DPYSL5: variants seen among roughly 807,000 people sequenced by gnomAD.
DPYSL5 encodes the protein dihydropyrimidinase like 5.
In DPYSL5, 9 loss-of-function variants were observed where a neutral mutation model predicts 58.4. The observed-to-expected ratio is 0.15, with a 90% CI of 0.09 to 0.27. DPYSL5 has a LOEUF of 0.27. Ranked by LOEUF, DPYSL5 falls within the 10% of genes least tolerant of loss-of-function variation. The pLI, the probability that DPYSL5 is intolerant of heterozygous loss-of-function variation, is 1.00. For synonymous variants in DPYSL5, 293 were observed against 301.9 expected (o/e 0.97, Z 0.31); for missense variants, 499 against 770.6 (o/e 0.65, Z 4.17).
chr2:26,870,236 G>T (rs1179729281), intron 1 of DPYSL5, among the ~76,000 whole-genome samples: 1 of 152,142 alleles, frequency 6.6e-6, no homozygotes, highest in Non-Finnish European at 1.5e-5. Context: ...TTACACTTGA[G>T]TCGTTTTGTC....
At chr2:26,872,870 A>G (rs1218265740) in intron 1 of DPYSL5, among the ~76,000 whole-genome samples, 5 of 152,204 alleles carry the variant, frequency 3.3e-5, no homozygotes, top group Non-Finnish European at 5.9e-5. Context: ...GCAAAACTGC[A>G]GTCAAATATA....
intron 3 of DPYSL5, among the ~76,000 whole-genome samples, chr2:26,926,133 A>T (rs1156704325): frequency 1.3e-5 from 2 of 152,244 alleles, no homozygotes; most frequent in African/African-American, 4.8e-5. Flanking sequence ...CTCAGATGAT[A>T]ACCTAAAGCC....
intron 1 of DPYSL5, among the ~76,000 whole-genome samples, chr2:26,895,775 C>CTTTT (rs869030530): frequency 5.5e-4 from 56 of 101,092 alleles, no homozygotes; most frequent in African/African-American, 7.4e-4. Flanking sequence ...ATTTCTTTTT[C>CTTTT]TTTTTTTTTT....
chr2:26,892,173 C>A (rs1424310585), intron 1 of DPYSL5, among the ~76,000 whole-genome samples: 1 of 152,144 alleles, frequency 6.6e-6, no homozygotes, highest in Non-Finnish European at 1.5e-5. Context: ...CTTTAATGGG[C>A]TACTTGTTAT....
At chr2:26,945,684 C>G (rs1249137676) in intron 12 of DPYSL5, among the ~76,000 whole-genome samples, 1 of 152,210 alleles carries the variant, frequency 6.6e-6, no homozygotes, top group Admixed American at 6.5e-5. Context: ...GTTGAGCTGC[C>G]TTCAGGATAA....
At chr2:26,875,069 TA>T (rs2148119962) in intron 1 of DPYSL5, among the ~76,000 whole-genome samples, 1 of 152,388 alleles carries the variant, frequency 6.6e-6, no homozygotes, top group Admixed American at 6.5e-5. Context: ...TCCTGTTTTC[TA>T]ATCCCTTTAT....
chr2:26,851,901 C>T (rs1045358831), intron 1 of DPYSL5, among the ~76,000 whole-genome samples: 6 of 151,926 alleles, frequency 3.9e-5, no homozygotes, highest in African/African-American at 7.3e-5. Flanking sequence ...GAGCTGAGAT[C>T]GTGCCACTGC....
rs368513459 is a variant in DPYSL5 at position 26,905,581 on chromosome 2, C to G, written c.261+6821C>G. On this transcript the variant is annotated intron_variant, in intron 2 of 12. Transcript: ENST00000288699. This position sits in a 1 kb window ranked among gnomAD's most constrained non-coding sequence, Gnocchi z 4.0. ...TTCCATGCTCGTTCTTCCTGCTGCC[C>G]TACCACCCCTCCGGCCTAGCTGTGG... Among the ~76,000 whole-genome samples the G allele has an allele frequency of 7.1e-4, 108 of 152,278 alleles. 2 individuals carry two copies. Among genetic ancestry groups the G allele is most frequent in the African/African-American group, 2.5e-3 (102 of 41,548 alleles).
chr2:26,861,067 G>C (rs867759306), intron 1 of DPYSL5, among the ~76,000 whole-genome samples: 11 of 152,084 alleles, frequency 7.2e-5, no homozygotes, highest in South Asian at 2.1e-4. Context: ...GAAGTTCTTG[G>C]GCCCATGTGG....
In DPYSL5 at chr2:26,905,150, C is replaced by T. The variant is rs1292271551; in HGVS notation, c.261+6390C>T. On this transcript the variant is annotated intron_variant, in intron 2 of 12. Transcript: ENST00000288699. This position sits in a 1 kb window ranked among gnomAD's most constrained non-coding sequence, Gnocchi z 4.0. The stretch of plus-strand genomic sequence containing the variant: ...AGGGTGTCTCAGAATGGATTTGCAT[C>T]AGGCAGGCAGCTGAGCGAGGTCTCT... Among the ~76,000 whole-genome samples, 1 of 152,136 alleles carries T rather than the reference C, an allele frequency of 6.6e-6. No homozygotes were observed. Among genetic ancestry groups the T allele is most frequent in the East Asian group, 1.9e-4 (1 of 5,182 alleles).
At chr2:26,932,189 A>AAG (rs778351251) in intron 6 of DPYSL5, among the ~76,000 whole-genome samples, 4 of 72,156 alleles carry the variant, frequency 5.5e-5, no homozygotes, top group African/African-American at 1.5e-4. Flanking sequence ...GAAAGAAAGA[A>AAG]AGAAAGAAAG....
Position 26,933,622 on chromosome 2 carries a change from A to G in DPYSL5, c.790+289A>G, listed in dbSNP as rs972267707. Among the ~76,000 whole-genome samples, 1 of 152,192 alleles carries G rather than the reference A, an allele frequency of 6.6e-6. No homozygotes were observed. The highest frequency in any genetic ancestry group is 2.4e-5 in the African/African-American group (1 of 41,446). On this transcript the variant is annotated intron_variant, in intron 7 of 12. Transcript: ENST00000288699. This position sits in a 1 kb window ranked among gnomAD's most constrained non-coding sequence, Gnocchi z 4.2. ...CATTTTCCAAGTTTTAAACCCACTCATTAATTAGTGTCTTTTTGGCCTCAT... is the reference window on the plus strand; with the variant it reads ...CATTTTCCAAGTTTTAAACCCACTCGTTAATTAGTGTCTTTTTGGCCTCAT...
In DPYSL5 at chr2:26,905,871, C is replaced by T. The variant is rs1416500743; in HGVS notation, c.261+7111C>T. On this transcript the variant is annotated intron_variant, in intron 2 of 12. Coordinates refer to ENST00000288699, the MANE Select transcript of DPYSL5 (RefSeq NM_020134.4). This position sits in a 1 kb window ranked among gnomAD's most constrained non-coding sequence, Gnocchi z 4.0. ...TCTGTAGGTAGAAATCTGGGCACAG[C>T]ATGACTAGGTCTTCGGCTCAGAGCC... 6.6e-6 allele frequency among the ~76,000 whole-genome samples: 1 copy of T among 152,202 alleles called. No individual in the cohort carries two copies. Among genetic ancestry groups the T allele is most frequent in the Admixed American group, 6.5e-5 (1 of 15,286 alleles).
At chr2:26,912,586 C>T (rs577970451) in intron 2 of DPYSL5, among the ~76,000 whole-genome samples, 1 of 152,282 alleles carries the variant, frequency 6.6e-6, no homozygotes, top group Non-Finnish European at 1.5e-5. Context: ...AGCGGCTCTC[C>T]GGAAGCTGGC....
At chr2:26,854,391 G>A (rs917840296) in intron 1 of DPYSL5, among the ~76,000 whole-genome samples, 13 of 152,130 alleles carry the variant, frequency 8.5e-5, no homozygotes, top group African/African-American at 3.1e-4. Context: ...CTGGGAAGGT[G>A]GAGGTTGCAG....
In DPYSL5 at chr2:26,933,224, ACCCT is replaced by A; in HGVS notation, c.715-29_715-26del. On this transcript the variant is annotated intron_variant, in intron 6 of 12. Coordinates refer to ENST00000288699, the MANE Select transcript of DPYSL5 (RefSeq NM_020134.4). This position sits in a 1 kb window ranked among gnomAD's most constrained non-coding sequence, Gnocchi z 4.2. ...TGATGCTTGTGAAGTTTATGGGTCA[ACCCT>A]CCCTACTTCCCACTGTTTCTTGTGT... 1 of 1,603,214 alleles carries A rather than the reference ACCCT, an allele frequency of 6.2e-7. No individual in the cohort carries two copies. The highest frequency in any genetic ancestry group is 8.5e-7 in the Non-Finnish European group (1 of 1,170,670).
rs558594686 is a variant in DPYSL5, at chr2:26,942,227, C to A, written c.1232+135C>A. Reference sequence around the variant, plus strand: ...ATGGCCCTGGCCTACCGTTGGCCATCTTCTCCCTCCATCTTCACACAGTCT... The same window carrying A: ...ATGGCCCTGGCCTACCGTTGGCCATATTCTCCCTCCATCTTCACACAGTCT... On this transcript the variant is annotated intron_variant, in intron 10 of 12. Coordinates refer to ENST00000288699, the MANE Select transcript of DPYSL5 (RefSeq NM_020134.4). This position sits in a 1 kb window ranked among gnomAD's most constrained non-coding sequence, Gnocchi z 5.9. 231 of 1,284,048 alleles carry A rather than the reference C, an allele frequency of 1.8e-4. No individual in the cohort carries two copies. The African/African-American group carries it at 2.9e-3, about 16-fold the overall frequency. The allele number at this position is 1,284,048 out of a possible 1,614,324, so 79.5% of individuals were successfully genotyped here.
At chr2:26,931,201 GTGTA>G (rs1226644722) in intron 5 of DPYSL5, among the ~76,000 whole-genome samples, 34 of 54,558 alleles carry the variant, frequency 6.2e-4, no homozygotes, top group African/African-American at 9.6e-4. Flanking sequence ...GTGTGTGTGT[GTGTA>G]TATATATATA....
At chr2:26,918,685 T>C (rs1047835265) in intron 2 of DPYSL5, among the ~76,000 whole-genome samples, 2 of 152,234 alleles carry the variant, frequency 1.3e-5, no homozygotes, top group East Asian at 3.8e-4. Flanking sequence ...TGATTCTTAG[T>C]GCAGTATTGT....
Sources: gnomAD v4.1 joint callset for allele counts (sites outside exome capture counted in the v4.1 genomes callset) on GRCh38, gnomAD v4.1.1 for gene constraint, Gnocchi (gnomAD v3.1) non-coding constraint, MANE v1.5 for transcripts, NCBI Gene and HGNC (gene_info 2026-07-23, HGNC 2026-07-21) for gene names.